Variants in NR3C2 observed in about 807,000 individuals in gnomAD.
The protein encoded by NR3C2 is nuclear receptor subfamily 3 group C member 2.
Under a neutral mutation model 86.4 loss-of-function variants are expected in NR3C2, and 15 were observed. The observed-to-expected ratio is 0.17, with a 90% confidence interval of 0.12 to 0.27. The LOEUF (loss-of-function observed/expected upper bound fraction) is 0.27, where lower values mean the gene tolerates loss of function less well. NR3C2 is among the 10% of genes least tolerant of loss of function. The probability of loss-of-function intolerance (pLI) is 1.00; values close to 1 mark genes in which losing one functional copy is unlikely to be tolerated. For missense variants in NR3C2, 960 were observed against 1,195.6 expected (o/e 0.80, Z 2.91); for synonymous variants, 458 against 450.5 (o/e 1.02, Z -0.21).
At chr4:148,207,265 G>C (rs72947955) in intron 3 of NR3C2, among the ~76,000 whole-genome samples, 1 of 152,230 alleles carries the variant, frequency 6.6e-6, no homozygotes, top group African/African-American at 2.4e-5. Flanking sequence ...CAAGGAAATG[G>C]GTAGCTGTCC....
intron 3 of NR3C2, among the ~76,000 whole-genome samples, chr4:148,259,594 C>T (rs1453753948): frequency 3.3e-5 from 5 of 152,196 alleles, no homozygotes; most frequent in African/African-American, 1.2e-4. Flanking sequence ...TTGCCACAAA[C>T]ACATATTTAT....
intron 4 of NR3C2, among the ~76,000 whole-genome samples, chr4:148,191,455 G>C (rs976588581): frequency 6.6e-6 from 1 of 152,198 alleles, no homozygotes; most frequent in African/African-American, 2.4e-5. Flanking sequence ...TGATGACAAT[G>C]TGCCTAGGCA....
chr4:148,315,061 T>C (rs1246099458), intron 2 of NR3C2, among the ~76,000 whole-genome samples: 1 of 152,204 alleles, frequency 6.6e-6, no homozygotes, highest in African/African-American at 2.4e-5. Flanking sequence ...AAAGATGTTA[T>C]AATAGTTCAT....
intron 3 of NR3C2, among the ~76,000 whole-genome samples, chr4:148,239,307 C>T (rs1282531733): frequency 6.6e-6 from 1 of 152,142 alleles, no homozygotes; most frequent in East Asian, 1.9e-4. Flanking sequence ...GGCCAGGGTC[C>T]CAGTCTGTAA....
At chr4:148,399,709 CAT>C (rs1054489205) in intron 2 of NR3C2, among the ~76,000 whole-genome samples, 34 of 148,904 alleles carry the variant, frequency 2.3e-4, no homozygotes, top group African/African-American at 8.0e-4. Context: ...CACACACACA[CAT>C]ACATATATAC....
chr4:148,189,319 C>T (rs753853500), intron 4 of NR3C2, among the ~76,000 whole-genome samples: 1 of 152,046 alleles, frequency 6.6e-6, no homozygotes, highest in South Asian at 2.1e-4. Flanking sequence ...GTTTTTAATT[C>T]TGTTTATGTA....
intron 2 of NR3C2, among the ~76,000 whole-genome samples, chr4:148,266,814 T>C (rs1011447518): frequency 3.9e-5 from 6 of 152,046 alleles, no homozygotes; most frequent in African/African-American, 1.5e-4. Flanking sequence ...ATAATAATGG[T>C]GTGAAGTAGG....
intron 2 of NR3C2, among the ~76,000 whole-genome samples, chr4:148,315,188 A>G (rs560886488): frequency 6.6e-6 from 1 of 152,240 alleles, no homozygotes; most frequent in Non-Finnish European, 1.5e-5. Flanking sequence ...AGTTACTCAC[A>G]AAGTCCAGTA....
At chr4:148,316,432 A>G (rs1207645571) in intron 2 of NR3C2, among the ~76,000 whole-genome samples, 2 of 152,180 alleles carry the variant, frequency 1.3e-5, no homozygotes. Context: ...AGAAGCCACA[A>G]CCCAGGTAAA....
At chr4:148,411,682 C>T (rs1748712133) in intron 2 of NR3C2, among the ~76,000 whole-genome samples, 1 of 152,228 alleles carries the variant, frequency 6.6e-6, no homozygotes, top group Admixed American at 6.5e-5. Context: ...TGTCGTCCTA[C>T]TCACATCATC....
At chr4:148,094,012 A>C (rs1731170744) in intron 8 of NR3C2, among the ~76,000 whole-genome samples, 1 of 152,232 alleles carries the variant, frequency 6.6e-6, no homozygotes, top group African/African-American at 2.4e-5. Flanking sequence ...ACTGAATAAA[A>C]AAATTGATAA....
chr4:148,347,944 T>A (rs1048456199), intron 2 of NR3C2, among the ~76,000 whole-genome samples: 4 of 152,098 alleles, frequency 2.6e-5, no homozygotes, highest in Non-Finnish European at 5.9e-5. Flanking sequence ...CCACCCCTGT[T>A]TGCCTATTTT....
chr4:148,384,732 G>A (rs1185658140), intron 2 of NR3C2, among the ~76,000 whole-genome samples: 1 of 151,910 alleles, frequency 6.6e-6, no homozygotes, highest in African/African-American at 2.4e-5. Flanking sequence ...AATATAAATG[G>A]AAAAAAGTGA....
At chr4:148,210,252 G>A (rs925674029) in intron 3 of NR3C2, among the ~76,000 whole-genome samples, 2 of 152,044 alleles carry the variant, frequency 1.3e-5, no homozygotes, top group South Asian at 2.1e-4. Flanking sequence ...GTGCAGTGGC[G>A]CAGTCTTGGT....
intron 8 of NR3C2, among the ~76,000 whole-genome samples, chr4:148,099,817 G>T (rs761420615): frequency 2.6e-5 from 4 of 152,194 alleles, no homozygotes; most frequent in Non-Finnish European, 5.9e-5. Context: ...AGATTCCTGT[G>T]TGTCAGGTTT....
chr4:148,167,142 C>A (rs571420280), intron 4 of NR3C2, among the ~76,000 whole-genome samples: 2 of 152,284 alleles, frequency 1.3e-5, no homozygotes, highest in South Asian at 4.1e-4. Flanking sequence ...AATGATGGAT[C>A]TTCAACAAAT....
chr4:148,134,551 T>C (rs1192243474), intron 6 of NR3C2, among the ~76,000 whole-genome samples: 2 of 151,566 alleles, frequency 1.3e-5, no homozygotes, highest in Non-Finnish European at 2.9e-5. Flanking sequence ...AAATGATTTG[T>C]TGGTTTTTTG....
chr4:148,135,933 T>G (rs1733288587), intron 6 of NR3C2, among the ~76,000 whole-genome samples: 1 of 127,804 alleles, frequency 7.8e-6, no homozygotes, highest in Non-Finnish European at 1.7e-5. Context: ...GGCGGGCGCC[T>G]GTAGTCCCAG....
chr4:148,182,038 G>T (rs1735670881), intron 4 of NR3C2, among the ~76,000 whole-genome samples: 1 of 152,142 alleles, frequency 6.6e-6, no homozygotes. Flanking sequence ...TAGTATTTTG[G>T]ATTTTATTCC....
Sources: gnomAD v4.1 joint callset for allele counts (sites outside exome capture counted in the v4.1 genomes callset) on GRCh38, gnomAD v4.1.1 for gene constraint, MANE v1.5 for transcripts, NCBI Gene and HGNC (gene_info 2026-07-23, HGNC 2026-07-21) for gene names.